The following ZHX3 variants were observed in gnomAD, a reference collection of about 807,000 sequenced individuals.
ZHX3 encodes zinc fingers and homeoboxes 3.
ZHX3 carries 20 observed loss-of-function variants against 64.5 expected under a neutral mutation model. The observed-to-expected ratio is 0.31, with a 90% CI of 0.22 to 0.45. The LOEUF (loss-of-function observed/expected upper bound fraction) is 0.45, where lower values mean the gene tolerates loss of function less well. ZHX3 is among the 20% of genes least tolerant of loss of function. The probability of loss-of-function intolerance (pLI) is 1.00; values close to 1 mark genes in which losing one functional copy is unlikely to be tolerated. For synonymous variants in ZHX3, 423 were observed against 461.6 expected, an observed-to-expected ratio of 0.92 and a Z score of 1.07; for missense variants, 1,041 against 1,195.8, an observed-to-expected ratio of 0.87 and a Z score of 1.91.
chr20:41,226,270 G>A lies in ZHX3; in HGVS notation c.-150-21204C>T, dbSNP rs561882110. 2.0e-5 allele frequency among the ~76,000 whole-genome samples: 3 copies of A among 152,020 alleles called. No homozygotes were observed. The highest frequency in any genetic ancestry group is 6.6e-5 in the Admixed American group (1 of 15,252). On this transcript the variant is annotated intron_variant, in intron 2 of 3. Coordinates refer to ENST00000683867, the MANE Select transcript of ZHX3 (RefSeq NM_001384317.1). The surrounding 1 kb of genome is among the most constrained non-coding windows in gnomAD (Gnocchi z 4.4). Reference sequence around the variant, plus strand: ...AAATTAGCCGGGCGTGCTGGCGAATGGCATGAACGCGGGAGGTGGAGGTTG... The same window carrying A: ...AAATTAGCCGGGCGTGCTGGCGAATAGCATGAACGCGGGAGGTGGAGGTTG...
At chr20:41,263,320 G>A (rs2042656661) in intron 2 of ZHX3, among the ~76,000 whole-genome samples, 1 of 151,776 alleles carries the variant, frequency 6.6e-6, no homozygotes, top group African/African-American at 2.4e-5. Context: ...ATTGCTTTCT[G>A]TGCTACCGAA....
intron 2 of ZHX3, among the ~76,000 whole-genome samples, chr20:41,240,557 C>T (rs897891263): frequency 1.3e-5 from 2 of 152,138 alleles, no homozygotes; most frequent in African/African-American, 2.4e-5. Context: ...TGTAAATGTA[C>T]GATTATTTTC....
chr20:41,304,792 C>A (rs796292360), intron 1 of ZHX3, among the ~76,000 whole-genome samples: 1 of 152,358 alleles, frequency 6.6e-6, no homozygotes, highest in Middle Eastern at 3.4e-3. Context: ...ATATCCCCAG[C>A]ATCTTACACA....
intron 1 of ZHX3, among the ~76,000 whole-genome samples, chr20:41,274,042 G>A (rs1436221529): frequency 6.6e-6 from 1 of 152,052 alleles, no homozygotes; most frequent in Non-Finnish European, 1.5e-5. Context: ...AACTTCTTTA[G>A]CTGTCTGTAT....
chr20:41,240,187 T>C (rs931638638), intron 2 of ZHX3, among the ~76,000 whole-genome samples: 1 of 152,054 alleles, frequency 6.6e-6, no homozygotes, highest in Non-Finnish European at 1.5e-5. Context: ...TTAGTAGAGA[T>C]GGGGGGTTTT....
intron 3 of ZHX3, among the ~76,000 whole-genome samples, chr20:41,187,669 T>C (rs574804697): frequency 2.2e-4 from 33 of 152,368 alleles, no homozygotes; most frequent in Middle Eastern, 3.4e-3. Context: ...TTTTGATTAC[T>C]GTAGCTTTGT....
At chr20:41,296,165 C>T (rs1175428222) in intron 1 of ZHX3, among the ~76,000 whole-genome samples, 4 of 142,398 alleles carry the variant, frequency 2.8e-5, no homozygotes, top group Non-Finnish European at 6.0e-5. Flanking sequence ...TTTGATCTCA[C>T]TTAACATCAC....
At chr20:41,298,991 C>G (rs1331377440) in intron 1 of ZHX3, among the ~76,000 whole-genome samples, 1 of 152,178 alleles carries the variant, frequency 6.6e-6, no homozygotes, top group Non-Finnish European at 1.5e-5. Flanking sequence ...GAGTTGGCAT[C>G]TCACCAGTGG....
At chr20:41,267,357 C>T (rs1401769559) in intron 2 of ZHX3, 1 of 152,222 alleles carries the variant, frequency 6.6e-6, no homozygotes, top group Non-Finnish European at 1.5e-5. Context: ...ACTTCCTCCA[C>T]AACATTTTCC....
rs2036415455 is a variant in ZHX3 at position 41,185,186 on chromosome 20, C to G, written c.*5G>C. On this transcript the variant is annotated 3_prime_UTR_variant, in exon 4 of 4. Coordinates refer to ENST00000683867, the MANE Select transcript of ZHX3 (RefSeq NM_001384317.1). This position sits in a 1 kb window ranked among gnomAD's most constrained non-coding sequence, Gnocchi z 5.0. ...GGCCAGTCCTTCACATTAATCAGAT[C>G]AAATTCAGTCTGTTTCTGAGAAGAA... 1 of 1,609,234 alleles carries G rather than the reference C, an allele frequency of 6.2e-7. No individual in the cohort carries two copies.
At chr20:41,293,057 G>A (rs551719368) in intron 1 of ZHX3, among the ~76,000 whole-genome samples, 7 of 152,098 alleles carry the variant, frequency 4.6e-5, no homozygotes, top group South Asian at 2.1e-4. Context: ...GTCAAATACC[G>A]GCATCAGATA....
chr20:41,278,039 T>C (rs1367854901), intron 1 of ZHX3, among the ~76,000 whole-genome samples: 1 of 138,606 alleles, frequency 7.2e-6, no homozygotes, highest in East Asian at 2.2e-4. Context: ...TACAAAGAAG[T>C]AGAGAAGATT....
At chr20:41,245,867 G>A (rs1268309049) in intron 2 of ZHX3, among the ~76,000 whole-genome samples, 1 of 152,036 alleles carries the variant, frequency 6.6e-6, no homozygotes. Context: ...ATTATTTCTG[G>A]TTCCACTTTG....
At chr20:41,260,103 T>C (rs992407458) in intron 2 of ZHX3, among the ~76,000 whole-genome samples, 2 of 151,948 alleles carry the variant, frequency 1.3e-5, no homozygotes, top group African/African-American at 4.8e-5. Context: ...CTAATACTCA[T>C]TTCTAATAAA....
At chr20:41,300,017 T>C (rs1284450665) in intron 1 of ZHX3, 1 of 151,970 alleles carries the variant, frequency 6.6e-6, no homozygotes, top group Non-Finnish European at 1.5e-5. Context: ...TTCACCACAA[T>C]GAGTTGGGTA....
intron 2 of ZHX3, among the ~76,000 whole-genome samples, chr20:41,249,572 G>T (rs1030188042): frequency 5.3e-5 from 8 of 152,184 alleles, no homozygotes; most frequent in Non-Finnish European, 7.3e-5. Flanking sequence ...TGTGGAGTAA[G>T]AAAGCCTTTC....
intron 1 of ZHX3, among the ~76,000 whole-genome samples, chr20:41,278,283 C>A (rs1421376330): frequency 1.5e-5 from 2 of 137,806 alleles, no homozygotes; most frequent in African/African-American, 5.5e-5. Context: ...GCAGAGGTTG[C>A]AGTGAGCAGA....
intron 2 of ZHX3, among the ~76,000 whole-genome samples, chr20:41,260,346 A>C (rs1443378838): frequency 6.6e-6 from 1 of 152,222 alleles, no homozygotes; most frequent in Non-Finnish European, 1.5e-5. Flanking sequence ...CAAGAGCAAA[A>C]ATAGAAATTT....
chr20:41,197,965 T>C (rs896747939), intron 3 of ZHX3, among the ~76,000 whole-genome samples: 7 of 151,810 alleles, frequency 4.6e-5, no homozygotes, highest in African/African-American at 1.7e-4. Context: ...TACTGGCTCT[T>C]ATATTTACCT....
Sources: allele counts gnomAD v4.1 joint callset (sites outside exome capture counted in the v4.1 genomes callset), GRCh38; gene constraint gnomAD v4.1.1; non-coding constraint Gnocchi (gnomAD v3.1); transcripts MANE v1.5; gene names NCBI Gene and HGNC (gene_info 2026-07-23, HGNC 2026-07-21).